The following DNAJC6 variants were observed in gnomAD, a reference collection of about 807,000 sequenced individuals.
DNAJC6 encodes the protein auxilin.
Under a neutral mutation model 110.0 loss-of-function variants are expected in DNAJC6, and 34 were observed. That is an observed-to-expected ratio of 0.31 (90% CI 0.24 to 0.41). The LOEUF is 0.41. DNAJC6 is among the 10% of genes least tolerant of loss of function. DNAJC6 has a pLI of 1.00. For missense variants in DNAJC6, 1,031 were observed against 1,207.8 expected, an observed-to-expected ratio of 0.85 and a Z score of 2.17; for synonymous variants, 406 against 437.2, an observed-to-expected ratio of 0.93 and a Z score of 0.89.
At chr1:65,405,333 T>C in intron 15 of DNAJC6, among the ~76,000 whole-genome samples, 1 of 152,342 alleles carries the variant, frequency 6.6e-6, no homozygotes, top group Admixed American at 6.5e-5. Context: ...TCAAAACATC[T>C]TTATTTACTC....
chr1:65,355,166 G>A (rs1046332530), intron 1 of DNAJC6, among the ~76,000 whole-genome samples: 2 of 150,708 alleles, frequency 1.3e-5, no homozygotes, highest in Non-Finnish European at 2.9e-5. Flanking sequence ...AGGAGGTGGA[G>A]TTGGGAGGAT....
intron 1 of DNAJC6, among the ~76,000 whole-genome samples, chr1:65,328,270 GA>G (rs1183582982): frequency 2.0e-5 from 3 of 152,146 alleles, no homozygotes; most frequent in Admixed American, 1.3e-4. Context: ...TCTCAATGAT[GA>G]ATTTATATTT....
At chr1:65,269,224 C>T (rs565284651) in intron 1 of DNAJC6, among the ~76,000 whole-genome samples, 148 of 151,860 alleles carry the variant, frequency 9.7e-4, no homozygotes, top group Non-Finnish European at 1.5e-3. Flanking sequence ...AGAAATGAGC[C>T]GGGCATGGTG....
At chr1:65,366,274 C>T (rs999604867) in intron 4 of DNAJC6, 78 bp downstream of exon 4, 19 of 1,510,478 alleles carry the variant, frequency 1.3e-5, no homozygotes, top group South Asian at 3.7e-5. Context: ...CCTTAAAGCA[C>T]GTGCCCTTAG....
At chr1:65,364,540 G>A in intron 1 of DNAJC6, 95 bp from the exon 2 acceptor site, 1 of 1,344,930 alleles carries the variant, frequency 7.4e-7, no homozygotes. Flanking sequence ...CTTAAAGACA[G>A]TCTGTGTATG....
rs377533915 is a variant in DNAJC6, at chr1:65,364,711, C to G, written c.270C>G (p.Leu90=). Reference sequence around the variant, plus strand: ...TGGTAAAAGGAGGTGCAGGGAGGCTCTTTAGTAACCTAAAGGACAACTTGA... The same window carrying G: ...TGGTAAAAGGAGGTGCAGGGAGGCTGTTTAGTAACCTAAAGGACAACTTGA... The part of the protein sequence containing the change: ...FDMVKGGAGR[L]FSNLKDNLKD... The change falls in exon 2 of 19, where the codon CTC becomes CTG. Residue 90 remains leucine (L), a synonymous_variant. Coordinates refer to ENST00000371069, the MANE Select transcript of DNAJC6 (RefSeq NM_001256864.2). 1.9e-6 allele frequency: 3 copies of G among 1,612,182 alleles called. No individual in the cohort carries two copies. Among genetic ancestry groups the G allele is most frequent in the East Asian group, 2.2e-5 (1 of 44,744 alleles).
At chr1:65,330,406 C>T (rs1645276918) in intron 1 of DNAJC6, among the ~76,000 whole-genome samples, 1 of 152,102 alleles carries the variant, frequency 6.6e-6, no homozygotes, top group African/African-American at 2.4e-5. Context: ...GGTTTGGTTG[C>T]ATATGTCACA....
At chr1:65,309,066 CGTCCT>C (rs1404558341), upstream of DNAJC6, among the ~76,000 whole-genome samples, 1 of 152,138 alleles carries the variant, frequency 6.6e-6, no homozygotes, top group African/African-American at 2.4e-5. Context: ...GGACGGTTAC[CGTCCT>C]GGTGGCTTTG....
At chr1:65,335,705 G>A (rs1009072562) in intron 1 of DNAJC6, among the ~76,000 whole-genome samples, 2 of 152,164 alleles carry the variant, frequency 1.3e-5, no homozygotes, top group African/African-American at 4.8e-5. Flanking sequence ...CAGGGAGAAA[G>A]GTAGGAGATA....
rs566305104 is a variant in DNAJC6 at position 65,414,557 on chromosome 1, T to A, written c.*1532T>A. On this transcript the variant is annotated 3_prime_UTR_variant, in exon 19 of 19. Transcript: ENST00000371069. ...TACCGGAAAAGCGGCATGTCAAAAA[T>A]ACTTTAGGTTCTACATAGATCTCTT... 1.8e-4 allele frequency: 27 copies of A among 152,796 alleles called. No homozygotes were observed. Among genetic ancestry groups the A allele is most frequent in the African/African-American group, 5.8e-4 (24 of 41,586 alleles). The allele number at this position is 152,796 out of a possible 1,614,324, so 9.5% of individuals were successfully genotyped here. A position where few individuals can be genotyped will look rare whatever the true frequency, so the allele number is the denominator to read the frequency against.
chr1:65,284,389 G>A (rs1017908097), intron 1 of DNAJC6, among the ~76,000 whole-genome samples: 3 of 152,158 alleles, frequency 2.0e-5, no homozygotes, highest in South Asian at 4.1e-4. Flanking sequence ...CCCAGGGTAG[G>A]GATTTATCAG....
At chr1:65,372,539 C>T (rs1645717477) in intron 4 of DNAJC6, among the ~76,000 whole-genome samples, 1 of 152,110 alleles carries the variant, frequency 6.6e-6, no homozygotes, top group Non-Finnish European at 1.5e-5. Flanking sequence ...TTCAGTACAG[C>T]TTGACCGCAA....
intron 1 of DNAJC6, among the ~76,000 whole-genome samples, chr1:65,302,079 T>A (rs1325980974): frequency 3.3e-5 from 2 of 60,112 alleles, no homozygotes; most frequent in Non-Finnish European, 5.3e-5. Flanking sequence ...ATATAATACG[T>A]ATTATATATA....
Position 65,386,779 on chromosome 1 carries a change from T to C in DNAJC6, c.996-33T>C, listed in dbSNP as rs182820493. On this transcript the variant is annotated intron_variant, in intron 7 of 18. Transcript: ENST00000371069. ...TGTGTGATTGTACCAGATTGGACTC[T>C]CTTTCAATGTATATTTTGGTCTGTG... The C allele has an allele frequency of 4.8e-5, 75 of 1,562,106 alleles. No individual in the cohort carries two copies. In the African/African-American group the frequency reaches 9.3e-4, roughly 19 times the overall value.
chr1:65,379,733 T>C, intron 5 of DNAJC6: 1 of 604,856 alleles, frequency 1.7e-6, no homozygotes, highest in Non-Finnish European at 2.7e-6. Flanking sequence ...GGCAGATGTA[T>C]ACACAACTCA....
At chr1:65,303,224 T>G (rs1161504998) in intron 1 of DNAJC6, among the ~76,000 whole-genome samples, 1 of 152,214 alleles carries the variant, frequency 6.6e-6, no homozygotes, top group Non-Finnish European at 1.5e-5. Flanking sequence ...ACCTATTACT[T>G]GGCAGGCACT....
Position 65,413,321 on chromosome 1 carries a change from G to GTTTTTTAAT in DNAJC6, c.*296_*297insTTTTTTAAT. On this transcript the variant is annotated 3_prime_UTR_variant, in exon 19 of 19. Coordinates refer to ENST00000371069, the MANE Select transcript of DNAJC6 (RefSeq NM_001256864.2). ...TACTCAGCATTCTACCTGGGGAAAT[G>GTTTTTTAAT]GAAAACAGAGGCCACCACCCATGAA... 1.1e-5 allele frequency: 3 copies of GTTTTTTAAT among 282,980 alleles called. No homozygotes were observed. The highest frequency in any genetic ancestry group is 4.9e-5 in the South Asian group (1 of 20,350). 17.5% of individuals were successfully genotyped at this position (282,980 alleles called of 1,614,324 possible). A position where few individuals can be genotyped will look rare whatever the true frequency, so the allele number is the denominator to read the frequency against.
At chr1:65,326,741 T>G (rs1164367686) in intron 1 of DNAJC6, among the ~76,000 whole-genome samples, 2 of 152,220 alleles carry the variant, frequency 1.3e-5, no homozygotes, top group Non-Finnish European at 2.9e-5. Flanking sequence ...TTTATTGTCT[T>G]CTCTGTGTAC....
Position 65,309,702 on chromosome 1 carries a change from T to C in DNAJC6, c.-44T>C. 1 of 1,539,642 alleles carries C rather than the reference T, an allele frequency of 6.5e-7. No individual in the cohort carries two copies. Among genetic ancestry groups the C allele is most frequent in the Non-Finnish European group, 8.8e-7 (1 of 1,142,296 alleles). ...CCCTTTCCACCTTCCATCTCCCTTT[T>C]CGCTTCCCAGGTTGATTATTTTCTC... On this transcript the variant is annotated 5_prime_UTR_variant, in exon 1 of 19. Transcript: ENST00000371069.
Sources: gnomAD v4.1 joint callset for allele counts (sites outside exome capture counted in the v4.1 genomes callset) on GRCh38, gnomAD v4.1.1 for gene constraint, MANE v1.5 for transcripts, NCBI Gene and HGNC (gene_info 2026-07-23, HGNC 2026-07-21) for gene names.